The following C13orf46 variants were observed in gnomAD, a reference collection of about 807,000 sequenced individuals.
The protein encoded by C13orf46 is chromosome 13 open reading frame 46.
chr13:113,945,977 T>C, the C13orf46 span, among the ~76,000 whole-genome samples: 37 of 147,122 alleles, frequency 2.5e-4, no homozygotes, highest in African/African-American at 7.4e-4. Flanking sequence ...GCCCGTTCAC[T>C]GTGATTTAGG....
chr13:113,945,539 G>GTCAAAGAAAGA, the C13orf46 span, among the ~76,000 whole-genome samples: 132 of 73,652 alleles, frequency 1.8e-3, 2 homozygotes, highest in African/African-American at 6.3e-3. Flanking sequence ...GCGAGAATCT[G>GTCAAAGAAAGA]AGAAAGAAAG....
chr13:113,955,269 GGAGGAGTAGTATCTGGCGGA>G lies in C13orf46; in HGVS notation c.*1484_*1503del, dbSNP rs1483341135. 20 of 190,002 alleles carry G rather than the reference GGAGGAGTAGTATCTGGCGGA, an allele frequency of 1.1e-4. No individual in the cohort carries two copies. The highest frequency in any genetic ancestry group is 1.7e-4 in the Non-Finnish European group (16 of 94,232). 11.8% of individuals were successfully genotyped at this position (190,002 alleles called of 1,614,324 possible). On this transcript the variant is annotated 3_prime_UTR_variant, in exon 7 of 7. Transcript: ENST00000636427. ...GGAGACGAGGAGCATCTGGCGGAGA[GGAGGAGTAGTATCTGGCGGA>G]GAGGAGTAGTATCTGGCAGAGAGGA... is the stretch of plus-strand genomic sequence containing the variant.
intron 2 of C13orf46, among the ~76,000 whole-genome samples, chr13:113,969,856 C>A (rs963975214): frequency 6.6e-6 from 1 of 152,172 alleles, no homozygotes; most frequent in Non-Finnish European, 1.5e-5. Flanking sequence ...CCTCCTTCCC[C>A]AGAGGGCCAT....
At chr13:113,973,036 G>T (rs1156249117) in intron 1 of C13orf46, among the ~76,000 whole-genome samples, 1 of 152,242 alleles carries the variant, frequency 6.6e-6, no homozygotes, top group African/African-American at 2.4e-5. Context: ...GGAGGCAGGA[G>T]GCCCGGCCCG....
At chr13:113,959,257 G>C (rs2052568374) in intron 6 of C13orf46, among the ~76,000 whole-genome samples, 3 of 152,234 alleles carry the variant, frequency 2.0e-5, no homozygotes, top group Non-Finnish European at 4.4e-5. Context: ...GGGTGACAGA[G>C]TGAGATCTGC....
chr13:113,946,869 G>A, the C13orf46 span, among the ~76,000 whole-genome samples: 29 of 152,374 alleles, frequency 1.9e-4, no homozygotes, highest in African/African-American at 6.7e-4. Flanking sequence ...CAGCAGAGCT[G>A]GGGCTCCTGG....
At chr13:113,970,605 G>A (rs1259074904) in intron 1 of C13orf46, among the ~76,000 whole-genome samples, 4 of 152,140 alleles carry the variant, frequency 2.6e-5, no homozygotes, top group African/African-American at 9.7e-5. Flanking sequence ...GAGGGTGGGA[G>A]AAGCCCACAA....
chr13:113,946,326 A>G, the C13orf46 span, among the ~76,000 whole-genome samples: 1 of 152,194 alleles, frequency 6.6e-6, no homozygotes, highest in Non-Finnish European at 1.5e-5. Context: ...CCTATGTGGC[A>G]TGTGGTTGGA....
At chr13:113,933,277 T>C in the C13orf46 span, among the ~76,000 whole-genome samples, 1 of 152,236 alleles carries the variant, frequency 6.6e-6, no homozygotes, top group African/African-American at 2.4e-5. Context: ...GAAAAGGTTA[T>C]TCTCTCCCTG....
chr13:113,928,482 GGAGA>G, the C13orf46 span: 1 of 152,350 alleles, frequency 6.6e-6, no homozygotes, highest in South Asian at 2.1e-4. Flanking sequence ...AAGGGTCCTG[GGAGA>G]GAGAGGGGAA....
At chr13:113,971,128 C>T (rs1419132383) in intron 1 of C13orf46, among the ~76,000 whole-genome samples, 1 of 152,228 alleles carries the variant, frequency 6.6e-6, no homozygotes, top group Non-Finnish European at 1.5e-5. Context: ...GGGCCTCCAG[C>T]CGCATCGGAG....
the C13orf46 span, among the ~76,000 whole-genome samples, chr13:113,942,675 G>C: frequency 3.3e-5 from 5 of 152,238 alleles, no homozygotes; most frequent in Non-Finnish European, 5.9e-5. Context: ...GCAACCAGGG[G>C]ACTGGGTGTC....
chr13:113,950,134 C>T (rs1333502134), downstream of C13orf46, among the ~76,000 whole-genome samples: 1 of 89,998 alleles, frequency 1.1e-5, no homozygotes, highest in Non-Finnish European at 2.4e-5. Flanking sequence ...GTGCTCCCAT[C>T]TGGAGAATAT....
downstream of C13orf46, among the ~76,000 whole-genome samples, chr13:113,949,153 G>C (rs1278242511): frequency 1.3e-5 from 2 of 152,206 alleles, no homozygotes; most frequent in East Asian, 3.8e-4. Flanking sequence ...TTGGGCATCA[G>C]GGTTGGGGAG....
At chr13:113,948,439 T>C in the C13orf46 span, among the ~76,000 whole-genome samples, 1,040 of 152,358 alleles carry the variant, frequency 6.8e-3, 11 homozygotes, top group African/African-American at 0.023. Context: ...CAGGAGGCCC[T>C]GGGCTGAGGC....
At chr13:113,945,613 A>AAAGAGAGAGAGAGAGAGAGAGAAAGAAAG in the C13orf46 span, among the ~76,000 whole-genome samples, 1 of 88,832 alleles carries the variant, frequency 1.1e-5, no homozygotes, top group African/African-American at 4.0e-5. Context: ...AAGAAGAAAG[A>AAAGAGAGAGAGAGAGAGAGAGAAAGAAAG]AAGAAAGAAA....
chr13:113,967,170 C>A (rs1396454001), intron 5 of C13orf46, among the ~76,000 whole-genome samples, 171 bp downstream of exon 5: 1 of 152,186 alleles, frequency 6.6e-6, no homozygotes, highest in Non-Finnish European at 1.5e-5. Flanking sequence ...CAATCCTCAA[C>A]ACCAGGGAGC....
the C13orf46 span, among the ~76,000 whole-genome samples, chr13:113,940,289 C>T: frequency 5.8e-4 from 89 of 152,380 alleles, 1 homozygote; most frequent in Non-Finnish European, 3.4e-4. Flanking sequence ...GGTGCTGCCG[C>T]CAAGCCCCCC....
At chr13:113,938,441 ACGGC>A in the C13orf46 span, among the ~76,000 whole-genome samples, 2 of 152,282 alleles carry the variant, frequency 1.3e-5, no homozygotes, top group South Asian at 4.1e-4. Context: ...GCCTTGGCCC[ACGGC>A]CCATCTTCAA....
Sources: gnomAD v4.1 joint callset for allele counts (sites outside exome capture counted in the v4.1 genomes callset) on GRCh38, gnomAD v4.1.1 for gene constraint, MANE v1.5 for transcripts, NCBI Gene and HGNC (gene_info 2026-07-23, HGNC 2026-07-21) for gene names.